Variants in CACNA2D2 observed in about 807,000 individuals in gnomAD.
The protein encoded by CACNA2D2 is voltage-dependent calcium channel subunit alpha-2/delta-2.
In CACNA2D2, 48 loss-of-function variants were observed where a neutral mutation model predicts 166.4. That is an observed-to-expected ratio of 0.29 (90% confidence interval 0.23 to 0.37). CACNA2D2 has a LOEUF of 0.37. CACNA2D2 is among the 10% of genes least tolerant of loss of function. The pLI is 1.00. For missense variants in CACNA2D2, 1,122 were observed against 1,433.0 expected, an observed-to-expected ratio of 0.78 and a Z score of 3.50; for synonymous variants, 561 against 573.7, an observed-to-expected ratio of 0.98 and a Z score of 0.32.
chr3:50,376,009 G>A lies in CACNA2D2; in HGVS notation c.1727C>T (p.Thr576Ile). ...PQTTNFREPVTLDFLDAELED... is the reference protein window; with the variant it reads ...PQTTNFREPVILDFLDAELED... The stretch of plus-strand genomic sequence containing the variant: ...TAGCTCCGCATCCAGGAAGTCCAGA[G>A]TCACAGGCTCCCGGAAGTTGGTGGT... Residue 576 changes from threonine (T) to isoleucine (I), a missense_variant, in exon 19 of 38, where the codon ACT (threonine) becomes ATT (isoleucine). Transcript: ENST00000424201. The surrounding 1 kb of genome is among the most constrained non-coding windows in gnomAD (Gnocchi z 4.3). 1 of 1,613,438 alleles carries A rather than the reference G, an allele frequency of 6.2e-7. No individual in the cohort carries two copies. The highest frequency in any genetic ancestry group is 8.5e-7 in the Non-Finnish European group (1 of 1,179,986).
chr3:50,368,055 C>A (rs1019742773), intron 24 of CACNA2D2, 83 bp downstream of exon 24: 4 of 1,233,530 alleles, frequency 3.2e-6, no homozygotes, highest in African/African-American at 3.0e-5. Context: ...TATTTCCACA[C>A]CTGCCCGGCC....
At chr3:50,418,303 G>A (rs1559929144) in intron 3 of CACNA2D2, among the ~76,000 whole-genome samples, 2 of 152,276 alleles carry the variant, frequency 1.3e-5, no homozygotes, top group East Asian at 3.9e-4. Context: ...AGTGTCCAAT[G>A]CCAGGGTTGA....
chr3:50,422,157 G>A (rs538569948), intron 3 of CACNA2D2, among the ~76,000 whole-genome samples: 1 of 152,168 alleles, frequency 6.6e-6, no homozygotes, highest in South Asian at 2.1e-4. Context: ...CATCCCTGCA[G>A]CCCTAGCTCT....
Position 50,380,791 on chromosome 3 carries a change from C to A in CACNA2D2, c.799G>T (p.Ala267Ser). The change falls in exon 8 of 38, where the codon GCC (alanine) becomes TCC (serine). Residue 267 changes from alanine (A) to serine (S), a missense_variant. Around this residue, in one of 2 missense-constraint regions of CACNA2D2, gnomAD observed 840 missense variants for 1,166.8 expected, o/e 0.72. Coordinates refer to ENST00000424201, the MANE Select transcript of CACNA2D2 (RefSeq NM_006030.4). The surrounding 1 kb of genome is among the most constrained non-coding windows in gnomAD (Gnocchi z 4.9). Reference sequence around the variant, plus strand: ...TCGTACAGGTCGATCTTCTTGGGGGCTCGCCACGGGGTGGCTGAGGGAGGA... The same window carrying A: ...TCGTACAGGTCGATCTTCTTGGGGGATCGCCACGGGGTGGCTGAGGGAGGA... The part of the protein sequence containing the change: ...TRYYPATPWR[A>S]PKKIDLYDVR... The A allele has an allele frequency of 6.5e-7, 1 of 1,546,426 alleles. No individual in the cohort carries two copies. Among genetic ancestry groups the A allele is most frequent in the Admixed American group, 2.1e-5 (1 of 48,656 alleles).
At chr3:50,368,769 C>T (rs780009551) in intron 23 of CACNA2D2, among the ~76,000 whole-genome samples, 8 of 152,324 alleles carry the variant, frequency 5.3e-5, no homozygotes, top group East Asian at 1.9e-4. Context: ...GTGGGTCCTC[C>T]GACTGGCTGT....
rs143407479 is a variant in CACNA2D2 at position 50,481,382 on chromosome 3, T to C, written c.207-5183A>G. Among the ~76,000 whole-genome samples the C allele has an allele frequency of 1.6e-3, 249 of 152,330 alleles. 1 individual carries two copies. Among genetic ancestry groups the C allele is most frequent in the African/African-American group, 5.5e-3 (230 of 41,574 alleles). On this transcript the variant is annotated intron_variant, in intron 1 of 37. Coordinates refer to ENST00000424201, the MANE Select transcript of CACNA2D2 (RefSeq NM_006030.4). ...GCCCTGCTGCCTCTCCCAGATGGCC[T>C]GTCTGGATCAACCCTGTTCCACTGG...
In CACNA2D2 at chr3:50,367,253, A is replaced by T. The variant is rs1203734769; in HGVS notation, c.2401+141T>A. The T allele has an allele frequency of 3.0e-6, 3 of 991,678 alleles. No individual in the cohort carries two copies. The African/African-American group carries it at 4.8e-5, about 16-fold the overall frequency. The allele number at this position is 991,678 out of a possible 1,614,324, so 61.4% of individuals were successfully genotyped here. ...CTCAGGACAGTGTTTGGCACAGTCT[A>T]TCCCTCTTTTCACGTCTGCCCTGGC... On this transcript the variant is annotated intron_variant, in intron 27 of 37. Coordinates refer to ENST00000424201, the MANE Select transcript of CACNA2D2 (RefSeq NM_006030.4). The surrounding 1 kb of genome is among the most constrained non-coding windows in gnomAD (Gnocchi z 6.5).
At chr3:50,374,934 G>A (rs779760337) in intron 21 of CACNA2D2, 121 bp from the exon 22 acceptor site, 180 of 798,110 alleles carry the variant, frequency 2.3e-4, no homozygotes, top group Non-Finnish European at 3.3e-4. Flanking sequence ...CCACCACCAG[G>A]GACCCCTCTC....
chr3:50,463,243 G>A (rs1709672571), intron 2 of CACNA2D2, among the ~76,000 whole-genome samples: 1 of 152,040 alleles, frequency 6.6e-6, no homozygotes, highest in Non-Finnish European at 1.5e-5. Flanking sequence ...AGGCATCTGA[G>A]AGATAATGCC....
intron 3 of CACNA2D2, among the ~76,000 whole-genome samples, chr3:50,394,435 C>G (rs1299612899): frequency 1.3e-5 from 2 of 152,226 alleles, no homozygotes; most frequent in African/African-American, 4.8e-5. Flanking sequence ...ACTCCCTGTA[C>G]TAGGCCAAGC....
chr3:50,366,742 T>C lies in CACNA2D2; in HGVS notation c.2589+89A>G. 6.4e-7 allele frequency: 1 copy of C among 1,553,656 alleles called. No individual in the cohort carries two copies. Among genetic ancestry groups the C allele is most frequent in the Non-Finnish European group, 8.8e-7 (1 of 1,130,688 alleles). On this transcript the variant is annotated intron_variant, in intron 29 of 37. Coordinates refer to ENST00000424201, the MANE Select transcript of CACNA2D2 (RefSeq NM_006030.4). This position sits in a 1 kb window ranked among gnomAD's most constrained non-coding sequence, Gnocchi z 5.9. ...GCTGGCCCTGCCTCCATGTAGGTGT[T>C]GGAGCCACTGAGTGGAGGGTTGGTG... is the stretch of plus-strand genomic sequence containing the variant.
At chr3:50,429,308 C>T (rs1011975223) in intron 3 of CACNA2D2, among the ~76,000 whole-genome samples, 3 of 151,976 alleles carry the variant, frequency 2.0e-5, no homozygotes, top group Admixed American at 2.0e-4. Flanking sequence ...TTCCTCAAAA[C>T]GTAAAATAGA....
At position 50,424,331 on chromosome 3, in the gene CACNA2D2, C is replaced by T. The variant is rs566129191; in HGVS notation, c.405+9982G>A. On this transcript the variant is annotated intron_variant, in intron 3 of 37. Coordinates refer to ENST00000424201, the MANE Select transcript of CACNA2D2 (RefSeq NM_006030.4). ...GTCCCTGGATGGGGTCTCGGCTAGA[C>T]CCCAGGGAGCCCCGTGTACCCCAGG... Among the ~76,000 whole-genome samples, 7 of 152,260 alleles carry T rather than the reference C, an allele frequency of 4.6e-5. No individual in the cohort carries two copies. The East Asian group carries it at 1.4e-3, about 29-fold the overall frequency.
rs1005068490 is a variant in CACNA2D2 at position 50,380,618 on chromosome 3, T to A, written c.842+130A>T. ...GATCCATTTTCCAGTGGCAACCATG[T>A]GTGAAATGAAAATTGGATACAGCTG... On this transcript the variant is annotated intron_variant, in intron 8 of 37. Coordinates refer to ENST00000424201, the MANE Select transcript of CACNA2D2 (RefSeq NM_006030.4). The surrounding 1 kb of genome is among the most constrained non-coding windows in gnomAD (Gnocchi z 4.9). The A allele has an allele frequency of 1.4e-6, 1 of 727,856 alleles. No individual in the cohort carries two copies. The highest frequency in any genetic ancestry group is 2.2e-6 in the Non-Finnish European group (1 of 458,002). 45.1% of individuals were successfully genotyped at this position (727,856 alleles called of 1,614,324 possible).
In CACNA2D2 at chr3:50,379,862, G is replaced by T. The variant is rs1705211880; in HGVS notation, c.894-38C>A. 5 of 1,612,148 alleles carry T rather than the reference G, an allele frequency of 3.1e-6. No individual in the cohort carries two copies. The highest frequency in any genetic ancestry group is 4.2e-6 in the Non-Finnish European group (5 of 1,178,490). The stretch of plus-strand genomic sequence containing the variant: ...GGCAGGGGACGTGGAGGAGCCAGGG[G>T]AACCTCACGTGTTCTCCTGCCCATC... On this transcript the variant is annotated intron_variant, in intron 9 of 37. Transcript: ENST00000424201. This position sits in a 1 kb window ranked among gnomAD's most constrained non-coding sequence, Gnocchi z 6.5.
At position 50,485,272 on chromosome 3, in the gene CACNA2D2, C is replaced by T. The variant is rs140309364; in HGVS notation, c.207-9073G>A. ...TCCTGCACACTTGGGTTCTGGTTCC[C>T]GGAGCCAGACTCCATGGGCTCTGCG... On this transcript the variant is annotated intron_variant, in intron 1 of 37. Coordinates refer to ENST00000424201, the MANE Select transcript of CACNA2D2 (RefSeq NM_006030.4). Among the ~76,000 whole-genome samples the T allele has an allele frequency of 7.4e-3, 1,133 of 152,298 alleles. 17 individuals are homozygous for T. Among genetic ancestry groups the T allele is most frequent in the African/African-American group, 0.025 (1,059 of 41,552 alleles).
chr3:50,374,817 A>AG lies in CACNA2D2; in HGVS notation c.1908-5dup. On this transcript the variant is annotated splice_polypyrimidine_tract_variant and splice_region_variant and intron_variant, in intron 21 of 37. Coordinates refer to ENST00000424201, the MANE Select transcript of CACNA2D2 (RefSeq NM_006030.4). ...GGGTGGGAGCACCAGCCCCAGGCTGAGGGGGGAGAAGCTCGGGTCACGGCT... is the reference window on the plus strand; with the variant it reads ...GGGTGGGAGCACCAGCCCCAGGCTGAGGGGGGGAGAAGCTCGGGTCACGGCT... The AG allele has an allele frequency of 3.8e-6, 6 of 1,583,818 alleles. No individual in the cohort carries two copies. Among genetic ancestry groups the AG allele is most frequent in the South Asian group, 1.2e-5 (1 of 86,904 alleles).
intron 1 of CACNA2D2, among the ~76,000 whole-genome samples, chr3:50,486,302 G>T (rs867859155): frequency 6.6e-6 from 1 of 152,152 alleles, no homozygotes; most frequent in South Asian, 2.1e-4. Flanking sequence ...AGCTGAAGCT[G>T]GACTAGAGGT....
intron 3 of CACNA2D2, among the ~76,000 whole-genome samples, chr3:50,426,852 G>A (rs769420977): frequency 3.9e-5 from 6 of 152,152 alleles, no homozygotes; most frequent in Non-Finnish European, 8.8e-5. Context: ...TAGCTCAGGC[G>A]GGTGGCTGAA....
Sources: allele counts gnomAD v4.1 joint callset (sites outside exome capture counted in the v4.1 genomes callset), GRCh38; gene constraint gnomAD v4.1.1; regional missense constraint gnomAD v4.1.1; non-coding constraint Gnocchi (gnomAD v3.1); transcripts MANE v1.5; gene names NCBI Gene and HGNC (gene_info 2026-07-23, HGNC 2026-07-21).